CEP112: variants seen among roughly 807,000 people sequenced by gnomAD.
CEP112 encodes centrosomal protein of 112 kDa.
CEP112 carries 127 observed loss-of-function variants against 153.0 expected under a neutral mutation model. That is an observed-to-expected ratio of 0.83 (90% CI 0.72 to 0.96). CEP112 has a LOEUF of 0.96. Among genes scored for constraint, CEP112 ranks in the 40% least tolerant of loss-of-function variants. The pLI is 0.00. For missense variants in CEP112, 1,089 were observed against 1,101.2 expected, an observed-to-expected ratio of 0.99 and a Z score of 0.16; for synonymous variants, 358 against 374.4, an observed-to-expected ratio of 0.96 and a Z score of 0.51.
chr17:65,716,827 C>T (rs866218111), intron 23 of CEP112, among the ~76,000 whole-genome samples: 2 of 152,074 alleles, frequency 1.3e-5, no homozygotes, highest in African/African-American at 2.4e-5. Context: ...GTGCATGATG[C>T]TGTAGAGGGG....
intron 21 of CEP112, among the ~76,000 whole-genome samples, chr17:65,757,907 TA>T (rs746664677): frequency 1.3e-5 from 2 of 152,194 alleles, no homozygotes; most frequent in Non-Finnish European, 2.9e-5. Flanking sequence ...GTCTTATTTT[TA>T]TAGCTATCAT....
chr17:66,016,154 C>T (rs1445221538), intron 16 of CEP112, among the ~76,000 whole-genome samples: 1 of 152,112 alleles, frequency 6.6e-6, no homozygotes, highest in Non-Finnish European at 1.5e-5. Context: ...TTCTTGTATG[C>T]TACTGGTGAA....
intron 4 of CEP112, among the ~76,000 whole-genome samples, chr17:66,142,870 ATTG>A (rs1274435916): frequency 6.6e-6 from 1 of 151,650 alleles, no homozygotes; most frequent in Non-Finnish European, 1.5e-5. Flanking sequence ...TATTTTTTTT[ATTG>A]TTGTGAAAAA....
intron 24 of CEP112, 91 bp from the exon 25 acceptor site, chr17:65,641,156 A>G (rs1267722935): frequency 6.9e-6 from 5 of 720,710 alleles, no homozygotes; most frequent in Non-Finnish European, 1.2e-5. Flanking sequence ...GTTCATCACA[A>G]TGAAAGGTTT....
intron 18 of CEP112, among the ~76,000 whole-genome samples, chr17:65,936,072 C>T (rs750019418): frequency 6.6e-6 from 1 of 151,856 alleles, no homozygotes; most frequent in Non-Finnish European, 1.5e-5. Flanking sequence ...ACTTTAAAAT[C>T]GATAATATAG....
At chr17:65,867,094 T>C (rs2058513320) in intron 20 of CEP112, among the ~76,000 whole-genome samples, 1 of 152,176 alleles carries the variant, frequency 6.6e-6, no homozygotes, top group African/African-American at 2.4e-5. Flanking sequence ...AGCTCTGCGG[T>C]TCCTGATGTC....
chr17:66,040,873 G>A (rs761424867), intron 12 of CEP112, among the ~76,000 whole-genome samples: 2 of 151,966 alleles, frequency 1.3e-5, no homozygotes, highest in Non-Finnish European at 1.5e-5. Flanking sequence ...TTTCTTTAAG[G>A]TAAACATTTA....
chr17:66,071,696 C>T (rs1347416513), intron 8 of CEP112, among the ~76,000 whole-genome samples: 1 of 152,178 alleles, frequency 6.6e-6, no homozygotes, highest in East Asian at 1.9e-4. Context: ...AGAATCTGAA[C>T]TAACACACCA....
intron 18 of CEP112, among the ~76,000 whole-genome samples, chr17:65,944,187 G>A (rs1446825661): frequency 1.3e-5 from 2 of 152,180 alleles, no homozygotes; most frequent in East Asian, 3.8e-4. Context: ...GGAGGGGAGA[G>A]CATCAGGATA....
chr17:65,681,675 ATTTTT>A (rs5821583), intron 24 of CEP112, among the ~76,000 whole-genome samples: 10 of 133,500 alleles, frequency 7.5e-5, no homozygotes, highest in African/African-American at 2.9e-4. Context: ...CCTTTTTTTA[ATTTTT>A]TTTTTTTTTT....
intron 25 of CEP112, among the ~76,000 whole-genome samples, chr17:65,638,768 T>C (rs2044924475): frequency 6.6e-6 from 1 of 152,186 alleles, no homozygotes; most frequent in African/African-American, 2.4e-5. Flanking sequence ...CTGCCAACTC[T>C]GAGGCCCTAT....
chr17:66,024,161 A>G (rs911060300), intron 16 of CEP112, among the ~76,000 whole-genome samples: 1 of 152,182 alleles, frequency 6.6e-6, no homozygotes, highest in Admixed American at 6.5e-5. Flanking sequence ...CATAGAAGGA[A>G]TACACTTCAA....
chr17:65,983,583 A>C (rs1426482276), intron 17 of CEP112, among the ~76,000 whole-genome samples: 2 of 152,062 alleles, frequency 1.3e-5, no homozygotes, highest in Non-Finnish European at 1.5e-5. Flanking sequence ...TGTTTAAAAG[A>C]GTGTGGCAAC....
chr17:66,149,920 C>G (rs1376167488), intron 4 of CEP112, among the ~76,000 whole-genome samples: 2 of 97,714 alleles, frequency 2.0e-5, no homozygotes, highest in African/African-American at 8.0e-5. Context: ...GAGATGGAGT[C>G]TCACTCTGTC....
chr17:66,188,826 A>G (rs1423172303), intron 1 of CEP112, among the ~76,000 whole-genome samples: 2 of 152,168 alleles, frequency 1.3e-5, no homozygotes, highest in Non-Finnish European at 2.9e-5. Flanking sequence ...CATAATGTTG[A>G]AAAGCAACAA....
intron 21 of CEP112, among the ~76,000 whole-genome samples, chr17:65,755,237 T>A (rs2052180208): frequency 6.6e-6 from 1 of 152,122 alleles, no homozygotes; most frequent in Admixed American, 6.6e-5. Context: ...TAACCTGCAA[T>A]CGCAGTGGAA....
chr17:66,074,138 A>G lies in CEP112; in HGVS notation c.769-4137T>C, dbSNP rs369825989. Among the ~76,000 whole-genome samples the G allele has an allele frequency of 2.0e-5, 3 of 152,266 alleles. No homozygotes were observed. The South Asian group carries it at 6.2e-4, about 32-fold the overall frequency. On this transcript the variant is annotated intron_variant, in intron 8 of 26. Transcript: ENST00000535342. ...ACGGATAAGGGATCTCAGCAGATAGATGGAAATTATAAAAAGGAAACAAAT... is the reference window on the plus strand; with the variant it reads ...ACGGATAAGGGATCTCAGCAGATAGGTGGAAATTATAAAAAGGAAACAAAT...
At chr17:66,185,010 A>G (rs1303977628) in intron 1 of CEP112, among the ~76,000 whole-genome samples, 1 of 152,182 alleles carries the variant, frequency 6.6e-6, no homozygotes, top group African/African-American at 2.4e-5. Flanking sequence ...CATTTGTGTG[A>G]CATTCTAGAA....
At chr17:66,059,235 G>A (rs2066825600) in intron 11 of CEP112, among the ~76,000 whole-genome samples, 1 of 152,110 alleles carries the variant, frequency 6.6e-6, no homozygotes, top group South Asian at 2.1e-4. Context: ...TCTAGACATT[G>A]ACCGTGGTAA....
Sources: gnomAD v4.1 joint callset for allele counts (sites outside exome capture counted in the v4.1 genomes callset) on GRCh38, gnomAD v4.1.1 for gene constraint, MANE v1.5 for transcripts, NCBI Gene and HGNC (gene_info 2026-07-23, HGNC 2026-07-21) for gene names.